Variants in LARGE1 observed in about 807,000 individuals in gnomAD.
LARGE1 encodes LARGE xylosyl- and glucuronyltransferase 1.
A neutral mutation model predicts 87.6 loss-of-function variants in LARGE1; 43 were observed. The ratio of observed to expected loss-of-function variants is 0.49; its 90% CI spans 0.38 to 0.63. The LOEUF (loss-of-function observed/expected upper bound fraction) is 0.63. Among genes scored for constraint, LARGE1 ranks in the 30% least tolerant of loss-of-function variants. The pLI is 0.00. For synonymous variants in LARGE1, 434 were observed against 394.6 expected (o/e 1.10, Z -1.18); for missense variants, 802 against 1,000.2 (o/e 0.80, Z 2.67).
the LARGE1 span, among the ~76,000 whole-genome samples, chr22:33,152,239 A>G: frequency 5.3e-5 from 8 of 152,354 alleles, no homozygotes; most frequent in South Asian, 1.2e-3. Context: ...ACTATTGTCT[A>G]CATCAGCTGA....
At chr22:33,419,223 T>C (rs1007233237) in intron 7 of LARGE1, among the ~76,000 whole-genome samples, 15 of 151,894 alleles carry the variant, frequency 9.9e-5, no homozygotes, top group African/African-American at 2.7e-4. Context: ...CTATCACAAG[T>C]ACAGCATAGG....
chr22:33,089,153 G>A, the LARGE1 span, among the ~76,000 whole-genome samples: 2 of 152,150 alleles, frequency 1.3e-5, no homozygotes, highest in Admixed American at 6.5e-5. Flanking sequence ...ATTTTCTTCA[G>A]AACAGAGTAT....
the LARGE1 span, among the ~76,000 whole-genome samples, chr22:33,116,673 T>C: frequency 6.6e-6 from 1 of 152,116 alleles, no homozygotes; most frequent in African/African-American, 2.4e-5. Flanking sequence ...CCCTGATTAG[T>C]TTCAATGATT....
At chr22:33,611,640 G>T (rs114558150) in intron 4 of LARGE1, among the ~76,000 whole-genome samples, 1,554 of 152,322 alleles carry the variant, frequency 0.01, 26 homozygotes, top group African/African-American at 0.036. Context: ...GTTAAAAATG[G>T]AATGAGTTAA....
chr22:33,400,379 C>T (rs1354017310), intron 7 of LARGE1, among the ~76,000 whole-genome samples: 1 of 152,136 alleles, frequency 6.6e-6, no homozygotes, highest in South Asian at 2.1e-4. Flanking sequence ...TAGAACAGCA[C>T]TGCAGAGCCA....
At chr22:33,706,707 T>C (rs953112813) in intron 2 of LARGE1, among the ~76,000 whole-genome samples, 17 of 152,246 alleles carry the variant, frequency 1.1e-4, no homozygotes, top group East Asian at 1.9e-4. Context: ...ATCATTTGCA[T>C]AGCTAACCTA....
chr22:33,816,336 T>G (rs1376287176), intron 1 of LARGE1, among the ~76,000 whole-genome samples: 1 of 150,380 alleles, frequency 6.6e-6, no homozygotes, highest in Non-Finnish European at 1.5e-5. Context: ...CAACAGGCAT[T>G]TATTTCTTAT....
intron 2 of LARGE1, among the ~76,000 whole-genome samples, chr22:33,659,853 G>A (rs1443995394): frequency 6.6e-6 from 1 of 151,500 alleles, no homozygotes; most frequent in Non-Finnish European, 1.5e-5. Flanking sequence ...TAGGCTGAAT[G>A]AGATCTGACT....
At chr22:33,400,688 G>A (rs543227917) in intron 7 of LARGE1, among the ~76,000 whole-genome samples, 141 of 152,250 alleles carry the variant, frequency 9.3e-4, no homozygotes, top group African/African-American at 3.3e-3. Context: ...CTAAACAGCC[G>A]AAAGGGCAGG....
the LARGE1 span, among the ~76,000 whole-genome samples, chr22:33,119,217 C>T: frequency 7.9e-5 from 12 of 152,186 alleles, no homozygotes; most frequent in Admixed American, 6.5e-4. Flanking sequence ...AGGAAAACTG[C>T]TGGGTCACCT....
intron 2 of LARGE1, among the ~76,000 whole-genome samples, chr22:33,731,672 C>A (rs559334008): frequency 6.6e-6 from 1 of 152,104 alleles, no homozygotes; most frequent in Non-Finnish European, 1.5e-5. Context: ...AATACTGTAT[C>A]GTAGACTTCG....
At chr22:33,531,153 T>G (rs2148572563) in intron 6 of LARGE1, among the ~76,000 whole-genome samples, 1 of 152,244 alleles carries the variant, frequency 6.6e-6, no homozygotes, top group East Asian at 1.9e-4. Context: ...TGTGCAGCAT[T>G]CTTGTTTTGT....
chr22:33,184,104 C>A (rs111710521), intron 11 of LARGE1, among the ~76,000 whole-genome samples: 5,920 of 60,438 alleles, frequency 0.098, 372 homozygotes, highest in Middle Eastern at 0.26. Flanking sequence ...ATATATATAT[C>A]ATATCTTTAT....
At chr22:33,426,547 T>C (rs1384528470) in intron 7 of LARGE1, among the ~76,000 whole-genome samples, 1 of 152,210 alleles carries the variant, frequency 6.6e-6, no homozygotes, top group African/African-American at 2.4e-5. Flanking sequence ...TGCATATTTC[T>C]ATTTATCCCA....
Position 33,401,181 on chromosome 22 carries a change from T to C in LARGE1, c.893-16877A>G, listed in dbSNP as rs2147315394. On this transcript the variant is annotated intron_variant, in intron 7 of 14. Transcript: ENST00000397394. ...AAGCCTTCAGTGGCTTCTGGCACCA[T>C]TATTGCTTCCCTTTGTATCTTGTTA... is the stretch of plus-strand genomic sequence containing the variant. 2.0e-5 allele frequency among the ~76,000 whole-genome samples: 3 copies of C among 152,322 alleles called. No individual in the cohort carries two copies. In the South Asian group the frequency reaches 6.2e-4, roughly 32 times the overall value.
chr22:33,428,883 T>C (rs1478219636), intron 7 of LARGE1, among the ~76,000 whole-genome samples: 12 of 145,808 alleles, frequency 8.2e-5, no homozygotes, highest in Middle Eastern at 3.5e-3. Flanking sequence ...TGAGCCGAGA[T>C]TGCGCCACTG....
intron 7 of LARGE1, among the ~76,000 whole-genome samples, chr22:33,425,197 G>A (rs1049370660): frequency 1.1e-4 from 17 of 152,174 alleles, no homozygotes; most frequent in African/African-American, 3.6e-4. Flanking sequence ...GGGAGGTGGA[G>A]GTTGCAGTGA....
chr22:33,405,664 C>A (rs1488678663), intron 7 of LARGE1, among the ~76,000 whole-genome samples: 1 of 152,092 alleles, frequency 6.6e-6, no homozygotes, highest in Non-Finnish European at 1.5e-5. Flanking sequence ...GACTTTGCTG[C>A]CGACAAATAG....
intron 5 of LARGE1, among the ~76,000 whole-genome samples, chr22:33,581,470 A>G (rs2078516200): frequency 6.6e-6 from 1 of 152,202 alleles, no homozygotes; most frequent in Admixed American, 6.5e-5. Context: ...TTAGAAATAA[A>G]TAAAGTTATT....
Sources: gnomAD v4.1 joint callset for allele counts (sites outside exome capture counted in the v4.1 genomes callset) on GRCh38, gnomAD v4.1.1 for gene constraint, MANE v1.5 for transcripts, NCBI Gene and HGNC (gene_info 2026-07-23, HGNC 2026-07-21) for gene names.